The following PIBF1 variants were observed in gnomAD, a reference collection of about 807,000 sequenced individuals.
The protein encoded by PIBF1 is progesterone immunomodulatory binding factor 1.
In PIBF1, 90 loss-of-function variants were observed where a neutral mutation model predicts 112.5. That is an observed-to-expected ratio of 0.80 (90% CI 0.67 to 0.95). PIBF1 has a LOEUF of 0.95. Ranked by LOEUF, PIBF1 falls within the 40% of genes least tolerant of loss-of-function variation. The probability of loss-of-function intolerance (pLI) is 0.00; values close to 1 mark genes in which losing one functional copy is unlikely to be tolerated. For missense variants in PIBF1, 915 were observed against 852.3 expected (o/e 1.07, Z -0.92); for synonymous variants, 301 against 288.6 (o/e 1.04, Z -0.44).
chr13:72,924,860 T>G lies in PIBF1; in HGVS notation c.1731-6305T>G, dbSNP rs551037550. Among the ~76,000 whole-genome samples, 24 of 152,324 alleles carry G rather than the reference T, an allele frequency of 1.6e-4. No homozygotes were observed. The South Asian group carries it at 4.4e-3, about 28-fold the overall frequency. On this transcript the variant is annotated intron_variant, in intron 13 of 17. Transcript: ENST00000326291. ...CATACATGAAAGAATATATAAACTT[T>G]AGTACTATATCATATGTTGGGTTAG... is the stretch of plus-strand genomic sequence containing the variant.
At chr13:72,936,131 G>A (rs2041867207) in intron 14 of PIBF1, among the ~76,000 whole-genome samples, 1 of 152,034 alleles carries the variant, frequency 6.6e-6, no homozygotes, top group South Asian at 2.1e-4. Flanking sequence ...GGACTCAAGA[G>A]CCTCAAACTA....
chr13:72,825,644 C>T (rs945312144), intron 6 of PIBF1, among the ~76,000 whole-genome samples: 4 of 152,008 alleles, frequency 2.6e-5, no homozygotes, highest in East Asian at 3.9e-4. Flanking sequence ...CCACATATAC[C>T]GTTAAGACAC....
At chr13:72,804,681 CCT>C (rs1386486292) in intron 5 of PIBF1, among the ~76,000 whole-genome samples, 1 of 152,138 alleles carries the variant, frequency 6.6e-6, no homozygotes, top group Non-Finnish European at 1.5e-5. Context: ...GGGAGACCCC[CCT>C]GTTTCTGCAG....
chr13:72,999,704 AAG>A (rs1415173463), intron 17 of PIBF1, among the ~76,000 whole-genome samples: 1 of 152,216 alleles, frequency 6.6e-6, no homozygotes, highest in Non-Finnish European at 1.5e-5. Flanking sequence ...AATAGGATGA[AAG>A]AGATTTTTTA....
chr13:72,790,032 G>A (rs2138366670), intron 2 of PIBF1, among the ~76,000 whole-genome samples: 1 of 152,208 alleles, frequency 6.6e-6, no homozygotes, highest in Admixed American at 6.5e-5. Context: ...CCTTCTTATG[G>A]CCAAGACAGA....
intron 16 of PIBF1, among the ~76,000 whole-genome samples, chr13:72,989,296 A>G (rs1397804369): frequency 6.6e-6 from 1 of 152,226 alleles, no homozygotes; most frequent in Admixed American, 6.5e-5. Flanking sequence ...TATGAGTGCA[A>G]CATTATTCAT....
rs114804474 is a variant in PIBF1 at position 72,852,518 on chromosome 13, G to T, written c.1224-1539G>T. Among the ~76,000 whole-genome samples, 850 of 152,280 alleles carry T rather than the reference G, an allele frequency of 5.6e-3. 10 individuals carry two copies. The highest frequency in any genetic ancestry group is 0.02 in the African/African-American group (818 of 41,546). On this transcript the variant is annotated intron_variant, in intron 9 of 17. Coordinates refer to ENST00000326291, the MANE Select transcript of PIBF1 (RefSeq NM_006346.4). ...CAGGTGTGAGATCCCGGCCAGTATA[G>T]CTTGAGCCGAGTACAGCCTGTGAGG...
intron 11 of PIBF1, among the ~76,000 whole-genome samples, chr13:72,903,696 A>T (rs1190324477): frequency 6.6e-6 from 1 of 152,158 alleles, no homozygotes; most frequent in African/African-American, 2.4e-5. Flanking sequence ...ACACATCCTT[A>T]CTATTAGGCA....
Position 72,948,079 on chromosome 13 carries a change from G to A in PIBF1, c.1833+16812G>A, listed in dbSNP as rs150747146. ...AACATCACACACCAGGGCCTGTCTC[G>A]GGGTGGGGAGCTAGGGGAGGTATAG... On this transcript the variant is annotated intron_variant, in intron 14 of 17. Coordinates refer to ENST00000326291, the MANE Select transcript of PIBF1 (RefSeq NM_006346.4). Among the ~76,000 whole-genome samples, 1,116 of 152,176 alleles carry A rather than the reference G, an allele frequency of 7.3e-3. 16 individuals carry two copies. Among genetic ancestry groups the A allele is most frequent in the African/African-American group, 0.026 (1,073 of 41,512 alleles).
chr13:72,791,753 C>T (rs2034942445), intron 2 of PIBF1, among the ~76,000 whole-genome samples: 1 of 152,032 alleles, frequency 6.6e-6, no homozygotes, highest in South Asian at 2.1e-4. Context: ...CTGCCTCAGC[C>T]TCCTGAGTAG....
intron 10 of PIBF1, among the ~76,000 whole-genome samples, chr13:72,887,421 A>G (rs1050988872): frequency 6.6e-6 from 1 of 151,878 alleles, no homozygotes; most frequent in Non-Finnish European, 1.5e-5. Flanking sequence ...TAGATTGGGT[A>G]TAATAGGGTA....
At chr13:72,949,519 G>A (rs983954674) in intron 14 of PIBF1, among the ~76,000 whole-genome samples, 1 of 151,980 alleles carries the variant, frequency 6.6e-6, no homozygotes. Context: ...GTTTCACCCT[G>A]TTGGCCAGGC....
At chr13:72,907,206 G>A (rs947547671) in intron 11 of PIBF1, among the ~76,000 whole-genome samples, 1 of 151,926 alleles carries the variant, frequency 6.6e-6, no homozygotes, top group Admixed American at 6.6e-5. Context: ...TTTACTTTGG[G>A]GGAAAGTTTT....
intron 5 of PIBF1, among the ~76,000 whole-genome samples, chr13:72,820,794 TTGA>T (rs2036522495): frequency 6.6e-6 from 1 of 151,936 alleles, no homozygotes; most frequent in Non-Finnish European, 1.5e-5. Context: ...GAAGGTGGAG[TTGA>T]TGATTGGTTG....
At position 72,893,952 on chromosome 13, in the gene PIBF1, A is replaced by G. The variant is rs1264511758; in HGVS notation, c.1488+3A>G. On this transcript the variant is annotated splice_donor_region_variant and intron_variant, in intron 11 of 17. Transcript: ENST00000326291. ...AAAAATATCAGAAAAAATTGGAGGT[A>G]CATGTACAAGCTTTTCTTTCAACAT... 1.9e-6 allele frequency: 3 copies of G among 1,562,506 alleles called. No individual in the cohort carries two copies. The highest frequency in any genetic ancestry group is 2.6e-6 in the Non-Finnish European group (3 of 1,151,826).
At chr13:73,010,030 G>A (rs576753978) in intron 17 of PIBF1, among the ~76,000 whole-genome samples, 13 of 152,110 alleles carry the variant, frequency 8.5e-5, no homozygotes, top group Non-Finnish European at 1.3e-4. Flanking sequence ...TTGAGGAAAT[G>A]CAAATGTACA....
intron 9 of PIBF1, among the ~76,000 whole-genome samples, chr13:72,839,497 C>G (rs1307469768): frequency 1.3e-5 from 2 of 152,100 alleles, no homozygotes; most frequent in African/African-American, 4.8e-5. Flanking sequence ...AGAGAAAGAT[C>G]TGGGAATTAG....
intron 9 of PIBF1, among the ~76,000 whole-genome samples, chr13:72,848,747 G>A (rs1010148978): frequency 1.3e-4 from 20 of 151,740 alleles, no homozygotes; most frequent in African/African-American, 4.4e-4. Context: ...CAGGAGAATG[G>A]CATGAACCCG....
intron 10 of PIBF1, among the ~76,000 whole-genome samples, chr13:72,855,918 A>G (rs2038403174): frequency 6.6e-6 from 1 of 152,208 alleles, no homozygotes; most frequent in Admixed American, 6.5e-5. Flanking sequence ...ATAAGGTTTA[A>G]AAGAAAACGT....
Sources: gnomAD v4.1 joint callset for allele counts (sites outside exome capture counted in the v4.1 genomes callset) on GRCh38, gnomAD v4.1.1 for gene constraint, MANE v1.5 for transcripts, NCBI Gene and HGNC (gene_info 2026-07-23, HGNC 2026-07-21) for gene names.